Variants in PNLDC1 observed in about 807,000 individuals in gnomAD.
PNLDC1 encodes poly(A)-specific ribonuclease PNLDC1.
In PNLDC1, 70 loss-of-function variants were observed where a neutral mutation model predicts 82.0. The ratio of observed to expected loss-of-function variants is 0.85; its 90% CI spans 0.70 to 1.04. The LOEUF (loss-of-function observed/expected upper bound fraction) is 1.04. Ranked by LOEUF, PNLDC1 falls within the 50% of genes least tolerant of loss-of-function variation. The pLI is 0.00. For synonymous variants in PNLDC1, 280 were observed against 249.3 expected (o/e 1.12, Z -1.16); for missense variants, 631 against 661.1 (o/e 0.95, Z 0.50).
chr6:159,813,362 G>A (rs942752384), intron 11 of PNLDC1, among the ~76,000 whole-genome samples: 1 of 152,142 alleles, frequency 6.6e-6, no homozygotes, highest in African/African-American at 2.4e-5. Flanking sequence ...AAGGGAGATA[G>A]TGTGTGTAGA....
In PNLDC1 at chr6:159,816,579, C is replaced by G; in HGVS notation, c.1097C>G (p.Ala366Gly). ...TGCCCCCACGAAGCCGCGTATGATG[C>G]CTTCCTCTGTGGGTCAGGTAAGGAT... ...TKCPHEAAYD[A>G]FLCGSVLLKV... The change falls in exon 14 of 19, where the codon GCC (alanine) becomes GGC (glycine). Residue 366 changes from alanine (A) to glycine (G), a missense_variant. Physicochemically the swap from Ala to Gly is moderately conservative, Grantham distance 60. Coordinates refer to ENST00000392167, the MANE Select transcript of PNLDC1 (RefSeq NM_001271862.2). 6.2e-7 allele frequency: 1 copy of G among 1,613,510 alleles called. No homozygotes were observed. Among genetic ancestry groups the G allele is most frequent in the Middle Eastern group, 1.7e-4 (1 of 6,038 alleles).
intron 11 of PNLDC1, 47 bp downstream of exon 11, chr6:159,811,833 A>G: frequency 7.6e-7 from 1 of 1,308,662 alleles, no homozygotes. Flanking sequence ...TTTCCATACC[A>G]GTAACACTTA....
At chr6:159,808,844 A>G (rs746838898) in intron 8 of PNLDC1, 28 bp downstream of exon 8, 4 of 1,611,706 alleles carry the variant, frequency 2.5e-6, no homozygotes, top group Admixed American at 1.7e-5. Flanking sequence ...ACGGGGCATC[A>G]GTGGCTCCAT....
intron 3 of PNLDC1, 29 bp from the exon 4 acceptor site, chr6:159,803,242 A>G (rs769678236): frequency 4.3e-6 from 7 of 1,612,854 alleles, no homozygotes; most frequent in Admixed American, 1.7e-5. Context: ...TTTCCTTGGC[A>G]TTCATTCCCT....
Position 159,804,647 on chromosome 6 carries a change from G to C in PNLDC1, c.461+10G>C, listed in dbSNP as rs776271291. ...ACTGGAGAGTTCGCAGGTATGGCCT[G>C]TTTCTCCAGGTGCCTTTTTGTTTCC... On this transcript the variant is annotated intron_variant, in intron 6 of 18. Transcript: ENST00000392167. 2.5e-6 allele frequency: 4 copies of C among 1,575,336 alleles called. No homozygotes were observed. The highest frequency in any genetic ancestry group is 3.5e-6 in the Non-Finnish European group (4 of 1,147,726).
In PNLDC1 at chr6:159,818,641, G is replaced by C; in HGVS notation, c.1244G>C (p.Gly415Ala). 6.2e-7 allele frequency: 1 copy of C among 1,613,630 alleles called. No homozygotes were observed. Among genetic ancestry groups the C allele is most frequent in the Non-Finnish European group, 8.5e-7 (1 of 1,179,878 alleles). ...AACCAAGTGAACCTCATCCGAGCGG[G>C]GGTCCCAAAGATCGTGAGTAGATCT... Reference protein sequence around the residue: ...YVNQVNLIRAGVPKINFSGPD... With the variant: ...YVNQVNLIRAAVPKINFSGPD... The change falls in exon 16 of 19, where the codon GGG becomes GCG. Residue 415 changes from glycine (G) to alanine (A), a missense_variant. Physicochemically the swap from Gly to Ala is moderately conservative, Grantham distance 60. Transcript: ENST00000392167.
chr6:159,809,776 C>T (rs536356625), intron 9 of PNLDC1, among the ~76,000 whole-genome samples: 1 of 152,320 alleles, frequency 6.6e-6, no homozygotes, highest in African/African-American at 2.4e-5. Flanking sequence ...GCCTGCTTCA[C>T]AGTATAGGTT....
intron 4 of PNLDC1, chr6:159,803,527 A>G (rs1781337832): frequency 5.2e-6 from 3 of 581,802 alleles, no homozygotes; most frequent in Middle Eastern, 4.5e-4. Context: ...CTTGCTCTGT[A>G]CCTTAAGTGC....
At chr6:159,802,180 T>C (rs958780352) in intron 3 of PNLDC1, among the ~76,000 whole-genome samples, 1 of 152,264 alleles carries the variant, frequency 6.6e-6, no homozygotes, top group African/African-American at 2.4e-5. Flanking sequence ...AATGTGAAAT[T>C]AGCTGTAGAG....
rs1005205878 is a variant in PNLDC1 at position 159,813,624 on chromosome 6, G to A, written c.963G>A (p.Ser321=). The change falls in exon 12 of 19, where the codon TCG becomes TCA. Residue 321 remains serine, a synonymous_variant. Coordinates refer to ENST00000392167, the MANE Select transcript of PNLDC1 (RefSeq NM_001271862.2). ...IWKEMNFPRV[S]NLSEVYEVLN... ...AGGAGATGAATTTCCCGAGGGTGTCGAATCTTTCGGAAGTCTATGAAGTCC... is the reference window on the plus strand; with the variant it reads ...AGGAGATGAATTTCCCGAGGGTGTCAAATCTTTCGGAAGTCTATGAAGTCC... The A allele has an allele frequency of 8.1e-6, 13 of 1,613,496 alleles. No individual in the cohort carries two copies. The highest frequency in any genetic ancestry group is 1.3e-5 in the African/African-American group (1 of 74,906).
At chr6:159,812,166 C>T (rs1460190084) in intron 11 of PNLDC1, among the ~76,000 whole-genome samples, 1 of 152,158 alleles carries the variant, frequency 6.6e-6, no homozygotes, top group Non-Finnish European at 1.5e-5. Context: ...TCCCAAAGTG[C>T]TGGGATTACA....
Position 159,800,818 on chromosome 6 carries a change from C to G in PNLDC1, c.123C>G (p.Pro41=). ...GCCTTCGTTCTAACCTGTCTGGGCC[C>G]CAGCAGATCAGGTAAAACTAAAGCT... The part of the protein sequence containing the change: ...FTGLRSNLSG[P]QQISLFDLPS... Residue 41 remains proline (P), a synonymous_variant, in exon 2 of 19, where the codon CCC becomes CCG. Transcript: ENST00000392167. The G allele has an allele frequency of 6.2e-7, 1 of 1,614,144 alleles. No individual in the cohort carries two copies. The highest frequency in any genetic ancestry group is 8.5e-7 in the Non-Finnish European group (1 of 1,180,016).
At chr6:159,804,778 G>A in intron 6 of PNLDC1, 141 bp downstream of exon 6, 3 of 616,018 alleles carry the variant, frequency 4.9e-6, no homozygotes, top group Non-Finnish European at 8.6e-6. Context: ...TGTGCAGCTG[G>A]CGCTGCTCTC....
At chr6:159,817,944 C>G (rs1271849104) in intron 15 of PNLDC1, among the ~76,000 whole-genome samples, 2 of 152,254 alleles carry the variant, frequency 1.3e-5, no homozygotes, top group Non-Finnish European at 2.9e-5. Flanking sequence ...AACCCCCTCT[C>G]TTGTGGTTTG....
intron 1 of PNLDC1, 164 bp downstream of exon 1, chr6:159,800,547 C>T: frequency 7.5e-7 from 1 of 1,338,714 alleles, no homozygotes; most frequent in Non-Finnish European, 1.0e-6. Context: ...GGACTTTGAG[C>T]AGCAAGTACA....
chr6:159,816,442 G>A, intron 13 of PNLDC1, 101 bp from the exon 14 acceptor site: 1 of 1,044,642 alleles, frequency 9.6e-7, no homozygotes. Context: ...CAGGACCATG[G>A]GAGGTTGTAT....
rs1781351233 is a variant in PNLDC1, at chr6:159,803,881, AAG to A, written c.249-81_249-80del. On this transcript the variant is annotated intron_variant, in intron 4 of 18. Coordinates refer to ENST00000392167, the MANE Select transcript of PNLDC1 (RefSeq NM_001271862.2). ...ACTCAGATTCTTCTTGCCTAAAAGA[AAG>A]AGCCCACCCTGAAGCCAGCCCTGGG... The A allele has an allele frequency of 4.1e-6, 6 of 1,449,258 alleles. No individual in the cohort carries two copies. The South Asian group carries it at 5.4e-5, about 13-fold the overall frequency. 89.8% of individuals were successfully genotyped at this position (1,449,258 alleles called of 1,614,324 possible).
In PNLDC1 at chr6:159,819,935, G is replaced by A. The variant is rs1369859091; in HGVS notation, c.1533-519G>A. On this transcript the variant is annotated intron_variant, in intron 18 of 18. Transcript: ENST00000392167. The surrounding 1 kb of genome is among the most constrained non-coding windows in gnomAD (Gnocchi z 4.6). ...CTTCTCTCAGGAGAGAGGGAATCGC[G>A]GAAGTTACAGCAAGAAGGTCTATAA... 2.6e-5 allele frequency among the ~76,000 whole-genome samples: 4 copies of A among 152,124 alleles called. No individual in the cohort carries two copies. The highest frequency in any genetic ancestry group is 2.1e-4 in the South Asian group (1 of 4,826).
At chr6:159,799,543 G>A (rs9457730), upstream of PNLDC1, among the ~76,000 whole-genome samples, 1 of 152,046 alleles carries the variant, frequency 6.6e-6, no homozygotes, top group Admixed American at 6.5e-5. Context: ...GTTCCAAAAC[G>A]CTGTTCAAGT....
Sources: gnomAD v4.1 joint callset for allele counts (sites outside exome capture counted in the v4.1 genomes callset) on GRCh38, gnomAD v4.1.1 for gene constraint, Gnocchi (gnomAD v3.1) non-coding constraint, MANE v1.5 for transcripts, NCBI Gene and HGNC (gene_info 2026-07-23, HGNC 2026-07-21) for gene names.